The following CRAMP1 variants were observed in gnomAD, a reference collection of about 807,000 sequenced individuals.
CRAMP1 encodes protein cramped-like.
Under a neutral mutation model 115.4 loss-of-function variants are expected in CRAMP1, and 50 were observed. The observed-to-expected ratio is 0.43, with a 90% CI of 0.35 to 0.55. The LOEUF is 0.55. CRAMP1 is among the 20% of genes least tolerant of loss of function. CRAMP1 has a pLI of 0.01. For synonymous variants in CRAMP1, 866 were observed against 745.4 expected (o/e 1.16, Z -2.64); for missense variants, 1,679 against 1,721.7 (o/e 0.98, Z 0.44).
rs569015427 is a variant in CRAMP1, at chr16:1,672,679, A to G, written c.3646-1202A>G. 6.6e-5 allele frequency among the ~76,000 whole-genome samples: 10 copies of G among 152,348 alleles called. No individual in the cohort carries two copies. The South Asian group carries it at 1.9e-3, about 28-fold the overall frequency. On this transcript the variant is annotated intron_variant, in intron 20 of 20. Coordinates refer to ENST00000397412, the MANE Select transcript of CRAMP1 (RefSeq NM_020825.4). The surrounding 1 kb of genome is among the most constrained non-coding windows in gnomAD (Gnocchi z 4.9). ...ATTCACAGTGTCATGCAGTTCATTA[A>G]GGGATATTTCTGCAGGGTCTGCTGT... is the stretch of plus-strand genomic sequence containing the variant.
At chr16:1,640,664 C>G (rs12447452) in intron 5 of CRAMP1, among the ~76,000 whole-genome samples, 2,986 of 152,324 alleles carry the variant, frequency 0.02, 224 homozygotes, top group Admixed American at 0.13. Flanking sequence ...TCGGAGTCTT[C>G]ATTCTGTGGA....
At chr16:1,625,275 G>A (rs1214022465) in intron 2 of CRAMP1, among the ~76,000 whole-genome samples, 2 of 152,054 alleles carry the variant, frequency 1.3e-5, no homozygotes, top group East Asian at 3.9e-4. Context: ...CAGGGTTCTC[G>A]GTCCACAGCT....
At position 1,669,029 on chromosome 16, in the gene CRAMP1, A is replaced by G. The variant is rs1284947564; in HGVS notation, c.3363A>G (p.Lys1121=). ...YGEGVPLSPA[K]LNGSDSSKSL... The stretch of plus-strand genomic sequence containing the variant: ...AAGGAGTCCCTCTTTCTCCAGCAAA[A>G]CTGAATGGCAGTGACAGTTCCAAGA... The change falls in exon 19 of 21, where the codon AAA becomes AAG. Residue 1121 remains lysine, a synonymous_variant. Transcript: ENST00000397412. This position sits in a 1 kb window ranked among gnomAD's most constrained non-coding sequence, Gnocchi z 4.6. 2 of 1,613,036 alleles carry G rather than the reference A, an allele frequency of 1.2e-6. No homozygotes were observed. The highest frequency in any genetic ancestry group is 3.3e-5 in the Admixed American group (2 of 59,898).
Position 1,660,228 on chromosome 16 carries a change from C to T in CRAMP1, c.2413+165C>T, listed in dbSNP as rs189057446. Among the ~76,000 whole-genome samples the T allele has an allele frequency of 2.2e-4, 33 of 152,304 alleles. No individual in the cohort carries two copies. The East Asian group carries it at 6.0e-3, about 28-fold the overall frequency. On this transcript the variant is annotated intron_variant, in intron 11 of 20. Transcript: ENST00000397412. ...GGGTGAAGGTGCAGAATCACTGCCT[C>T]CTCATGGGGAGGGTGATGCCAGGGC...
intron 11 of CRAMP1, among the ~76,000 whole-genome samples, chr16:1,660,531 C>G (rs916118129): frequency 6.6e-6 from 1 of 152,202 alleles, no homozygotes; most frequent in African/African-American, 2.4e-5. Context: ...CAGTCTACCC[C>G]AGCTGCGTAT....
chr16:1,643,491 A>T (rs1271360883), intron 6 of CRAMP1, among the ~76,000 whole-genome samples: 1 of 151,976 alleles, frequency 6.6e-6, no homozygotes, highest in African/African-American at 2.4e-5. Context: ...CAGTGAACCA[A>T]GATCCCTCCA....
At chr16:1,657,301 G>C (rs2036784921) in intron 10 of CRAMP1, among the ~76,000 whole-genome samples, 1 of 152,238 alleles carries the variant, frequency 6.6e-6, no homozygotes, top group Non-Finnish European at 1.5e-5. Flanking sequence ...TGGCCTGGGT[G>C]CTCCCTTCTG....
chr16:1,653,998 C>T (rs1158432736), intron 8 of CRAMP1, among the ~76,000 whole-genome samples: 2 of 147,626 alleles, frequency 1.4e-5, no homozygotes, highest in Non-Finnish European at 3.0e-5. Flanking sequence ...AAAAAATTAG[C>T]CGGGCGTGGT....
Position 1,632,205 on chromosome 16 carries a change from T to C in CRAMP1, c.541-7T>C, listed in dbSNP as rs1567450053. ...CCTCTACATTTATCATGGAATTTAT[T>C]TTCCAGCATGGGAAAGACTTTGAAG... On this transcript the variant is annotated splice_region_variant and splice_polypyrimidine_tract_variant and intron_variant, in intron 3 of 20. Transcript: ENST00000397412. 1 of 1,553,058 alleles carries C rather than the reference T, an allele frequency of 6.4e-7. No individual in the cohort carries two copies. The highest frequency in any genetic ancestry group is 8.7e-7 in the Non-Finnish European group (1 of 1,147,616).
chr16:1,627,553 G>A (rs577331329), intron 3 of CRAMP1, among the ~76,000 whole-genome samples: 2 of 152,190 alleles, frequency 1.3e-5, no homozygotes, highest in East Asian at 1.9e-4. Flanking sequence ...GTAAATGTGG[G>A]CATGAGACTT....
Position 1,614,801 on chromosome 16 carries a change from C to G in CRAMP1, c.162C>G (p.Ala54=). The G allele has an allele frequency of 7.8e-7, 1 of 1,283,568 alleles. No homozygotes were observed. Among genetic ancestry groups the G allele is most frequent in the Non-Finnish European group, 9.8e-7 (1 of 1,017,404 alleles). 79.5% of individuals were successfully genotyped at this position (1,283,568 alleles called of 1,614,324 possible). A position where few individuals can be genotyped will look rare whatever the true frequency, so the allele number is the denominator to read the frequency against. ...GTKRDEKTPR[A]GADGPPAPPG... ...AGAGGGACGAGAAGACCCCCCGGGC[C>G]GGCGCCGACGGCCCCCCCGCGCCCC... Residue 54 remains alanine, a synonymous_variant, in exon 2 of 21, where the codon GCC becomes GCG. Coordinates refer to ENST00000397412, the MANE Select transcript of CRAMP1 (RefSeq NM_020825.4). The surrounding 1 kb of genome is among the most constrained non-coding windows in gnomAD (Gnocchi z 4.4).
intron 2 of CRAMP1, among the ~76,000 whole-genome samples, chr16:1,619,442 A>C (rs1415973463): frequency 6.6e-6 from 1 of 152,154 alleles, no homozygotes; most frequent in African/African-American, 2.4e-5. Flanking sequence ...CGGCCTCCCA[A>C]AGTGCTAGGA....
intron 4 of CRAMP1, among the ~76,000 whole-genome samples, chr16:1,633,922 G>T (rs2036566187): frequency 6.6e-6 from 1 of 152,026 alleles, no homozygotes; most frequent in Non-Finnish European, 1.5e-5. Context: ...ACAAAAATTA[G>T]CTGGGCATGG....
At chr16:1,673,606 C>G (rs534858611) in intron 20 of CRAMP1, among the ~76,000 whole-genome samples, 2 of 152,362 alleles carry the variant, frequency 1.3e-5, no homozygotes, top group East Asian at 3.9e-4. Flanking sequence ...GTGTCTTCCC[C>G]CATAGGTCTC....
intron 2 of CRAMP1, among the ~76,000 whole-genome samples, chr16:1,616,127 T>C (rs1489467846): frequency 6.6e-6 from 1 of 152,268 alleles, no homozygotes; most frequent in Non-Finnish European, 1.5e-5. Flanking sequence ...TAACTTAGCA[T>C]GTTTCAGAAT....
At position 1,659,871 on chromosome 16, in the gene CRAMP1, CCA is replaced by C. The variant is rs1567459624; in HGVS notation, c.2236-14_2236-13del. Reference sequence around the variant, plus strand: ...GTGCTGAGTTTGGACATTGTTTGGCCCATTTCTGTCCTAGGCTCTGGAAGCAA... The same window carrying C: ...GTGCTGAGTTTGGACATTGTTTGGCCTTTCTGTCCTAGGCTCTGGAAGCAA... On this transcript the variant is annotated splice_polypyrimidine_tract_variant and intron_variant, in intron 10 of 20. Transcript: ENST00000397412. The C allele has an allele frequency of 2.5e-6, 4 of 1,612,608 alleles. No individual in the cohort carries two copies. The highest frequency in any genetic ancestry group is 3.4e-6 in the Non-Finnish European group (4 of 1,179,384).
chr16:1,614,819 C>G lies in CRAMP1; in HGVS notation c.180C>G (p.Pro60=). 1 of 1,270,076 alleles carries G rather than the reference C, an allele frequency of 7.9e-7. No homozygotes were observed. The highest frequency in any genetic ancestry group is 9.9e-7 in the Non-Finnish European group (1 of 1,011,728). 78.7% of individuals were successfully genotyped at this position (1,270,076 alleles called of 1,614,324 possible). Reference sequence around the variant, plus strand: ...CCCGGGCCGGCGCCGACGGCCCCCCCGCGCCCCCCGGCGCGCCGCAGGCGC... The same window carrying G: ...CCCGGGCCGGCGCCGACGGCCCCCCGGCGCCCCCCGGCGCGCCGCAGGCGC... ...KTPRAGADGP[P]APPGAPQAPS... Residue 60 remains proline (P), a synonymous_variant, in exon 2 of 21, where the codon CCC becomes CCG. Transcript: ENST00000397412. This position sits in a 1 kb window ranked among gnomAD's most constrained non-coding sequence, Gnocchi z 4.4.
chr16:1,640,468 G>A (rs1393601810), intron 5 of CRAMP1, among the ~76,000 whole-genome samples: 1 of 152,144 alleles, frequency 6.6e-6, no homozygotes, highest in African/African-American at 2.4e-5. Context: ...TCGTTCGTTT[G>A]TGGAGTTTTT....
In CRAMP1 at chr16:1,656,364, G is replaced by C. The variant is rs371446549; in HGVS notation, c.1607G>C (p.Arg536Pro). 6.2e-7 allele frequency: 1 copy of C among 1,601,522 alleles called. No homozygotes were observed. Among genetic ancestry groups the C allele is most frequent in the African/African-American group, 1.3e-5 (1 of 74,670 alleles). ...TPAEGRDSPT[R>P]EPGALPCACG... ...GCAGAAGGCAGGGACAGTCCCACCC[G>C]GGAGCCAGGGGCCTTGCCGTGTGCC... The change falls in exon 10 of 21, where the codon CGG (arginine) becomes CCG (proline). Residue 536 changes from arginine (R) to proline (P), a missense_variant. Arg to Pro is a moderately radical substitution (Grantham distance 103). Transcript: ENST00000397412. The surrounding 1 kb of genome is among the most constrained non-coding windows in gnomAD (Gnocchi z 5.6).
Sources: gnomAD v4.1 joint callset for allele counts (sites outside exome capture counted in the v4.1 genomes callset) on GRCh38, gnomAD v4.1.1 for gene constraint, Gnocchi (gnomAD v3.1) non-coding constraint, MANE v1.5 for transcripts, NCBI Gene and HGNC (gene_info 2026-07-23, HGNC 2026-07-21) for gene names.